Variants in AGO3 observed in about 807,000 individuals in gnomAD.
AGO3 encodes the protein argonaute RISC catalytic component 3.
In AGO3, 16 loss-of-function variants were observed where a neutral mutation model predicts 105.5. The ratio of observed to expected loss-of-function variants is 0.15; its 90% CI spans 0.10 to 0.23. AGO3 has a LOEUF of 0.23. Ranked by LOEUF, AGO3 falls within the 10% of genes least tolerant of loss-of-function variation. The pLI, the probability that AGO3 is intolerant of heterozygous loss-of-function variation, is 1.00. For missense variants in AGO3, 534 were observed against 1,088.0 expected, an observed-to-expected ratio of 0.49 and a Z score of 7.16; for synonymous variants, 340 against 367.3, an observed-to-expected ratio of 0.93 and a Z score of 0.85.
intron 2 of AGO3, among the ~76,000 whole-genome samples, chr1:35,958,158 G>A (rs181034311): frequency 1.3e-4 from 20 of 151,966 alleles, no homozygotes; most frequent in East Asian, 5.8e-4. Flanking sequence ...CAAGGCGGGC[G>A]GATCACAAGG....
At chr1:35,978,769 T>G (rs1203571364) in intron 5 of AGO3, among the ~76,000 whole-genome samples, 1 of 152,216 alleles carries the variant, frequency 6.6e-6, no homozygotes, top group Non-Finnish European at 1.5e-5. Flanking sequence ...AAAGTTATTT[T>G]TCTATCTATT....
At chr1:35,991,671 T>G (rs192767537) in intron 5 of AGO3, among the ~76,000 whole-genome samples, 1 of 151,962 alleles carries the variant, frequency 6.6e-6, no homozygotes, top group Admixed American at 6.6e-5. Flanking sequence ...CATCACTCCA[T>G]TTTTAAAATA....
At chr1:35,949,493 C>T (rs1022687946) in intron 2 of AGO3, among the ~76,000 whole-genome samples, 3 of 151,918 alleles carry the variant, frequency 2.0e-5, no homozygotes, top group South Asian at 2.1e-4. Context: ...GAATTCTAGG[C>T]GTTAGAAGGA....
upstream of AGO3, chr1:35,930,863 CA>C (rs1346559896): frequency 2.3e-5 from 5 of 218,416 alleles, no homozygotes; most frequent in Admixed American, 5.8e-5. Flanking sequence ...GCACCGCCCC[CA>C]CTCGTGCGGC....
At chr1:36,044,088 T>C (rs1012189452) in intron 17 of AGO3, among the ~76,000 whole-genome samples, 1 of 152,224 alleles carries the variant, frequency 6.6e-6, no homozygotes, top group Non-Finnish European at 1.5e-5. Flanking sequence ...CTCACGCCTA[T>C]AATTCCAACA....
At chr1:35,937,400 A>C (rs946044298) in intron 1 of AGO3, among the ~76,000 whole-genome samples, 18 of 151,610 alleles carry the variant, frequency 1.2e-4, no homozygotes, top group Non-Finnish European at 7.4e-5. Flanking sequence ...AAAAAAAAAA[A>C]ATTGTTTCCC....
intron 17 of AGO3, among the ~76,000 whole-genome samples, chr1:36,052,366 T>C (rs1642751085): frequency 6.6e-6 from 1 of 151,766 alleles, no homozygotes; most frequent in African/African-American, 2.4e-5. Context: ...GTTGATGTCA[T>C]AGAAGTAGAG....
Position 36,068,476 on chromosome 1 carries a change from C to CA in AGO3, c.*12733dup, listed in dbSNP as rs1643121884. On this transcript the variant is annotated 3_prime_UTR_variant, in exon 19 of 19. Coordinates refer to ENST00000373191, the MANE Select transcript of AGO3 (RefSeq NM_024852.4). ...CCCAGGAGTTTAAAGCAAGCCTGGGCAATACAGCAAGACCCCAATCTTTAA... is the reference window on the plus strand; with the variant it reads ...CCCAGGAGTTTAAAGCAAGCCTGGGCAAATACAGCAAGACCCCAATCTTTAA... 6.6e-6 allele frequency: 1 copy of CA among 151,970 alleles called. No homozygotes were observed. The highest frequency in any genetic ancestry group is 2.1e-4 in the South Asian group (1 of 4,802). 9.4% of individuals were successfully genotyped at this position (151,970 alleles called of 1,614,324 possible).
At position 36,066,816 on chromosome 1, in the gene AGO3, G is replaced by A. The variant is rs1643102012; in HGVS notation, c.*11071G>A. 1 of 152,176 alleles carries A rather than the reference G, an allele frequency of 6.6e-6. No homozygotes were observed. Among genetic ancestry groups the A allele is most frequent in the African/African-American group, 2.4e-5 (1 of 41,446 alleles). 9.4% of individuals were successfully genotyped at this position (152,176 alleles called of 1,614,324 possible). On this transcript the variant is annotated 3_prime_UTR_variant, in exon 19 of 19. Transcript: ENST00000373191. ...GTAGGATTGTGAGAATATATAGTGA[G>A]GGGGGATTTAGGATAAGGCTTCCTT... is the stretch of plus-strand genomic sequence containing the variant.
At chr1:35,945,376 T>C (rs899775734) in intron 1 of AGO3, among the ~76,000 whole-genome samples, 1 of 152,058 alleles carries the variant, frequency 6.6e-6, no homozygotes, top group African/African-American at 2.4e-5. Context: ...TCTTTAACTT[T>C]ACTTTGCTAT....
chr1:36,062,333 T>C lies in AGO3; in HGVS notation c.*6588T>C, dbSNP rs1377128450. 1 of 151,996 alleles carries C rather than the reference T, an allele frequency of 6.6e-6. No individual in the cohort carries two copies. The highest frequency in any genetic ancestry group is 1.5e-5 in the Non-Finnish European group (1 of 67,988). The allele number at this position is 151,996 out of a possible 1,614,324, so 9.4% of individuals were successfully genotyped here. On this transcript the variant is annotated 3_prime_UTR_variant, in exon 19 of 19. Transcript: ENST00000373191. The stretch of plus-strand genomic sequence containing the variant: ...ATGCACCACCACACCCGGCCCTAAT[T>C]AGTCATTATTAAGGAGGACTGCTCA...
chr1:35,995,133 A>G (rs560671602), intron 5 of AGO3, among the ~76,000 whole-genome samples: 1 of 150,884 alleles, frequency 6.6e-6, no homozygotes, highest in Admixed American at 6.6e-5. Flanking sequence ...CCCGGGAAGC[A>G]GAGGTTGCAG....
intron 1 of AGO3, among the ~76,000 whole-genome samples, chr1:35,940,733 T>C (rs1288081395): frequency 2.0e-5 from 3 of 152,190 alleles, no homozygotes; most frequent in Non-Finnish European, 2.9e-5. Flanking sequence ...CTTCATTTTA[T>C]TTCATCCACA....
rs1180558987 is a variant in AGO3, at chr1:36,063,158, G to A, written c.*7413G>A. On this transcript the variant is annotated 3_prime_UTR_variant, in exon 19 of 19. Coordinates refer to ENST00000373191, the MANE Select transcript of AGO3 (RefSeq NM_024852.4). Reference sequence around the variant, plus strand: ...ACCAATAAACCATTAACACTATTTTGTAACTTAGAATATTTAATGTTGTTT... The same window carrying A: ...ACCAATAAACCATTAACACTATTTTATAACTTAGAATATTTAATGTTGTTT... 1 of 152,054 alleles carries A rather than the reference G, an allele frequency of 6.6e-6. No homozygotes were observed. The highest frequency in any genetic ancestry group is 1.5e-5 in the Non-Finnish European group (1 of 68,022). 9.4% of individuals were successfully genotyped at this position (152,054 alleles called of 1,614,324 possible). A position where few individuals can be genotyped will look rare whatever the true frequency, so the allele number is the denominator to read the frequency against.
At chr1:36,045,000 A>G (rs1419015901) in intron 17 of AGO3, among the ~76,000 whole-genome samples, 1 of 152,174 alleles carries the variant, frequency 6.6e-6, no homozygotes, top group Non-Finnish European at 1.5e-5. Flanking sequence ...TTATAGCTTT[A>G]TATGTCCCAC....
chr1:36,050,750 A>G (rs536014181), intron 17 of AGO3, among the ~76,000 whole-genome samples: 2 of 146,106 alleles, frequency 1.4e-5, no homozygotes, highest in Admixed American at 7.1e-5. Context: ...AGATCACACC[A>G]TTGCACACTC....
chr1:35,946,480 A>C (rs1286788753), intron 2 of AGO3, among the ~76,000 whole-genome samples: 1 of 152,182 alleles, frequency 6.6e-6, no homozygotes, highest in Non-Finnish European at 1.5e-5. Context: ...TACTATGTCT[A>C]TTTGGATTTT....
chr1:35,957,484 G>T (rs926969860), intron 2 of AGO3, among the ~76,000 whole-genome samples: 1 of 152,100 alleles, frequency 6.6e-6, no homozygotes, highest in Non-Finnish European at 1.5e-5. Flanking sequence ...CCAGCACTTT[G>T]CGAGGCTGAC....
chr1:35,995,004 G>T (rs927817529), intron 5 of AGO3, among the ~76,000 whole-genome samples: 1 of 151,690 alleles, frequency 6.6e-6, no homozygotes, highest in African/African-American at 2.4e-5. Flanking sequence ...TTTGCGACCA[G>T]CCTGGGCAAC....
Sources: gnomAD v4.1 joint callset for allele counts (sites outside exome capture counted in the v4.1 genomes callset) on GRCh38, gnomAD v4.1.1 for gene constraint, MANE v1.5 for transcripts, NCBI Gene and HGNC (gene_info 2026-07-23, HGNC 2026-07-21) for gene names.